The following SPINK9 variants were observed in gnomAD, a reference collection of about 807,000 sequenced individuals.
SPINK9 encodes the protein serine peptidase inhibitor Kazal type 9.
Under a neutral mutation model 10.8 loss-of-function variants are expected in SPINK9, and 3 were observed. That is an observed-to-expected ratio of 0.28 (90% confidence interval 0.13 to 0.72). The LOEUF (loss-of-function observed/expected upper bound fraction) is 0.72. Among genes scored for constraint, SPINK9 ranks in the 30% least tolerant of loss-of-function variants. The pLI is 0.74. For missense variants in SPINK9, 101 were observed against 103.2 expected (o/e 0.98, Z 0.09); for synonymous variants, 30 against 31.2 (o/e 0.96, Z 0.12).
At chr5:148,338,993 C>T (rs1241922048) in intron 3 of SPINK9, among the ~76,000 whole-genome samples, 1 of 152,110 alleles carries the variant, frequency 6.6e-6, no homozygotes, top group African/African-American at 2.4e-5. Context: ...TAGAATGAGC[C>T]ATGTTTTTGT....
upstream of SPINK9, among the ~76,000 whole-genome samples, chr5:148,333,148 T>C (rs913238091): frequency 3.9e-5 from 6 of 152,302 alleles, no homozygotes; most frequent in South Asian, 2.1e-4. Context: ...CCAGGGGTCA[T>C]TGTGGAAAGA....
chr5:148,327,459 T>C (rs7700337), intron 2 of SPINK9, among the ~76,000 whole-genome samples: 51,259 of 151,776 alleles, frequency 0.34, 9,655 homozygotes, highest in African/African-American at 0.52. Context: ...GTAGGTTGCC[T>C]GTTCACTCTG....
In SPINK9 at chr5:148,338,514, C is replaced by A. The variant is rs137861364; in HGVS notation, c.124C>A (p.Gln42Lys). ...TCATTATAAAAAGTTACCACCAGGA[C>A]AACAGAGATTTTGTCATCATATGTA... is the stretch of plus-strand genomic sequence containing the variant. ...CSHYKKLPPG[Q>K]QRFCHHMYDP... Residue 42 changes from glutamine (Q) to lysine (K), a missense_variant, in exon 3 of 4, where the codon CAA (glutamine) becomes AAA (lysine). Gln to Lys is a moderately conservative substitution (Grantham distance 53). Transcript: ENST00000377906. 1 of 1,609,176 alleles carries A rather than the reference C, an allele frequency of 6.2e-7. No individual in the cohort carries two copies. The highest frequency in any genetic ancestry group is 8.5e-7 in the Non-Finnish European group (1 of 1,177,928).
intron 2 of SPINK9, among the ~76,000 whole-genome samples, chr5:148,328,605 T>C (rs1424356095): frequency 1.3e-5 from 2 of 152,138 alleles, no homozygotes; most frequent in Admixed American, 6.5e-5. Flanking sequence ...ATGCTTCCAG[T>C]TTTTGCCCAT....
intron 1 of SPINK9, 140 bp from the exon 2 acceptor site, chr5:148,336,282 C>G: frequency 1.2e-6 from 1 of 856,680 alleles, no homozygotes; most frequent in South Asian, 1.8e-5. Context: ...ACCTTTGATA[C>G]AATGCTGATA....
intron 2 of SPINK9, among the ~76,000 whole-genome samples, chr5:148,327,698 G>T (rs1325391284): frequency 6.6e-6 from 1 of 151,138 alleles, no homozygotes; most frequent in Non-Finnish European, 1.5e-5. Context: ...TGTAAGGAAG[G>T]GATCCAGTTT....
chr5:148,332,336 G>T (rs1366259201), upstream of SPINK9, among the ~76,000 whole-genome samples: 1 of 152,114 alleles, frequency 6.6e-6, no homozygotes, highest in Non-Finnish European at 1.5e-5. Context: ...AAACCATAAG[G>T]CTGTGCTCAC....
intron 1 of SPINK9, among the ~76,000 whole-genome samples, chr5:148,322,207 G>A (rs1472568999): frequency 2.0e-5 from 3 of 152,112 alleles, no homozygotes; most frequent in African/African-American, 7.2e-5. Context: ...TAGATATATT[G>A]ATATGACACA....
upstream of SPINK9, among the ~76,000 whole-genome samples, chr5:148,334,437 A>C (rs1757189174): frequency 6.6e-6 from 1 of 152,196 alleles, no homozygotes; most frequent in Admixed American, 6.5e-5. Flanking sequence ...TCGGTTGGGC[A>C]CAGAGGTTCA....
intron 2 of SPINK9, among the ~76,000 whole-genome samples, chr5:148,324,456 A>G (rs1423668390): frequency 3.9e-5 from 6 of 152,124 alleles, no homozygotes; most frequent in Non-Finnish European, 7.4e-5. Context: ...AGTTGACATC[A>G]TTAATGATAG....
At chr5:148,323,557 T>C in intron 1 of SPINK9, 2 of 459,798 alleles carry the variant, frequency 4.3e-6, no homozygotes, top group Non-Finnish European at 7.7e-6. Context: ...ATATATTAAC[T>C]TTATTAACTT....
intron 2 of SPINK9, among the ~76,000 whole-genome samples, chr5:148,328,056 G>T (rs1045026206): frequency 1.3e-5 from 2 of 152,050 alleles, no homozygotes; most frequent in Non-Finnish European, 2.9e-5. Flanking sequence ...GTCATTGGTA[G>T]CTTGATGGGG....
intron 2 of SPINK9, among the ~76,000 whole-genome samples, chr5:148,330,350 T>G (rs1757131897): frequency 6.6e-6 from 1 of 152,182 alleles, no homozygotes; most frequent in African/African-American, 2.4e-5. Context: ...TTGTTTTCCA[T>G]TTGCTTGGTA....
rs1262611055 is a variant in SPINK9, at chr5:148,335,630, T to C, written c.17T>C (p.Ile6Thr). The stretch of plus-strand genomic sequence containing the variant: ...TTCAGTACTATGAGAGCAACAGCCA[T>C]AGTCCTACTCTTGGCTCTGACACTT... Reference protein sequence around the residue: MRATAIVLLLALTLAT... With the variant: MRATATVLLLALTLAT... The change falls in exon 1 of 4, where the codon ATA (isoleucine) becomes ACA (threonine). Residue 6 changes from isoleucine (I) to threonine (T), a missense_variant. Physicochemically the swap from Ile to Thr is moderately conservative, Grantham distance 89. Coordinates refer to ENST00000377906, the MANE Select transcript of SPINK9 (RefSeq NM_001040433.2). 1 of 1,613,732 alleles carries C rather than the reference T, an allele frequency of 6.2e-7. No individual in the cohort carries two copies. Among genetic ancestry groups the C allele is most frequent in the Admixed American group, 1.7e-5 (1 of 60,026 alleles).
chr5:148,321,965 T>C (rs73262430), intron 1 of SPINK9, among the ~76,000 whole-genome samples: 6,216 of 152,286 alleles, frequency 0.041, 433 homozygotes, highest in African/African-American at 0.14. Flanking sequence ...TGGCTAACAG[T>C]TGTTTTAGAC....
chr5:148,323,610 T>G, intron 1 of SPINK9: 5 of 513,218 alleles, frequency 9.7e-6, no homozygotes, highest in Non-Finnish European at 1.7e-5. Context: ...CATTCCCACA[T>G]GGGAAGCTGC....
chr5:148,337,456 T>C (rs1251035604), intron 2 of SPINK9, among the ~76,000 whole-genome samples: 2 of 152,134 alleles, frequency 1.3e-5, no homozygotes, highest in African/African-American at 4.8e-5. Context: ...GAAGGAAGAA[T>C]TCAACTTTAA....
upstream of SPINK9, among the ~76,000 whole-genome samples, chr5:148,335,067 A>G (rs943326040): frequency 3.9e-5 from 6 of 152,184 alleles, no homozygotes; most frequent in African/African-American, 1.2e-4. Context: ...AGATACTAAT[A>G]CTTCCATTAG....
At chr5:148,329,394 C>T (rs1757116273) in intron 2 of SPINK9, among the ~76,000 whole-genome samples, 1 of 152,200 alleles carries the variant, frequency 6.6e-6, no homozygotes, top group South Asian at 2.1e-4. Context: ...ATTCTTCTCT[C>T]TTTTCTTCTT....
Sources: allele counts gnomAD v4.1 joint callset (sites outside exome capture counted in the v4.1 genomes callset), GRCh38; gene constraint gnomAD v4.1.1; transcripts MANE v1.5; gene names NCBI Gene and HGNC (gene_info 2026-07-23, HGNC 2026-07-21).